JAK1: variants seen among roughly 807,000 people sequenced by gnomAD.
JAK1 encodes the protein Janus kinase 1.
A neutral mutation model predicts 136.6 loss-of-function variants in JAK1; 16 were observed. The observed-to-expected ratio is 0.12, with a 90% CI of 0.08 to 0.18. The LOEUF (loss-of-function observed/expected upper bound fraction) is 0.18, where lower values mean the gene tolerates loss of function less well. Ranked by LOEUF, JAK1 falls within the 10% of genes least tolerant of loss-of-function variation. The probability of loss-of-function intolerance (pLI) is 1.00; values close to 1 mark genes in which losing one functional copy is unlikely to be tolerated. For synonymous variants in JAK1, 492 were observed against 519.5 expected, an observed-to-expected ratio of 0.95 and a Z score of 0.72; for missense variants, 859 against 1,450.1, an observed-to-expected ratio of 0.59 and a Z score of 6.62.
chr1:64,863,291 T>A (rs1015910952), intron 8 of JAK1, among the ~76,000 whole-genome samples: 2 of 143,972 alleles, frequency 1.4e-5, no homozygotes, highest in African/African-American at 5.2e-5. Context: ...CGGGGCCTAA[T>A]ATCCAGGATG....
In JAK1 at chr1:64,984,780, A is replaced by G. The variant is rs1646582213; in HGVS notation, c.-78+59700T>C. 1 of 1,017,604 alleles carries G rather than the reference A, an allele frequency of 9.8e-7. No homozygotes were observed. The highest frequency in any genetic ancestry group is 2.1e-5 in the Admixed American group (1 of 48,392). The allele number at this position is 1,017,604 out of a possible 1,614,324, so 63.0% of individuals were successfully genotyped here. A position where few individuals can be genotyped will look rare whatever the true frequency, so the allele number is the denominator to read the frequency against. On this transcript the variant is annotated intron_variant, in intron 2 of 25. Coordinates refer to the JAK1 transcript ENST00000671954. This position sits in a 1 kb window ranked among gnomAD's most constrained non-coding sequence, Gnocchi z 4.1. ...GAAGGTAAAGATCAAGAAGGTAATG[A>G]GGAAGTCGGTGAAGATAATAAAAAC...
At chr1:64,866,664 T>C (rs552132609) in intron 7 of JAK1, among the ~76,000 whole-genome samples, 2 of 152,388 alleles carry the variant, frequency 1.3e-5, no homozygotes, top group Non-Finnish European at 2.9e-5. Flanking sequence ...CATGTTGTTA[T>C]ATTTCTCTAC....
intron 2 of JAK1, among the ~76,000 whole-genome samples, chr1:64,980,043 A>G (rs1646530234): frequency 6.6e-6 from 1 of 152,206 alleles, no homozygotes; most frequent in Non-Finnish European, 1.5e-5. Context: ...TTGATTCAGC[A>G]TGACAGATAT....
Position 64,987,026 on chromosome 1 carries a change from G to C in JAK1, c.-78+57454C>G, listed in dbSNP as rs75824463. 4.5e-3 allele frequency among the ~76,000 whole-genome samples: 684 copies of C among 152,256 alleles called. 4 individuals are homozygous for C. Among genetic ancestry groups the C allele is most frequent in the African/African-American group, 0.014 (586 of 41,540 alleles). On this transcript the variant is annotated intron_variant, in intron 2 of 25. Coordinates refer to the JAK1 transcript ENST00000671954. ...AGGGAAATAACAAAAGGAAAGAAAG[G>C]CTCCCTGTTGCTGAAGCAGCCATTG...
At position 64,867,183 on chromosome 1, in the gene JAK1, A is replaced by G. The variant is rs775894558; in HGVS notation, c.673T>C (p.Leu225=). The G allele has an allele frequency of 1.6e-5, 25 of 1,604,068 alleles. No homozygotes were observed. The highest frequency in any genetic ancestry group is 3.4e-4 in the Middle Eastern group (2 of 5,922). ...ISYKRYIPET[L]NKSIRQRNLL... is the part of the protein sequence containing the mutation. ...TTCCTCTGTCTGATGGACTTATTCA[A>G]TGTTTCTGGAATATATCGCTTGTAG... The change falls in exon 7 of 25, where the codon TTG becomes CTG. Residue 225 remains leucine (L), a synonymous_variant. Transcript: ENST00000342505.
intron 1 of JAK1, among the ~76,000 whole-genome samples, chr1:64,947,236 A>T (rs929413423): frequency 9.2e-5 from 14 of 151,418 alleles, no homozygotes; most frequent in East Asian, 8.2e-4. Flanking sequence ...CTTAAAAAAA[A>T]TTTTTTAACT....
intron 1 of JAK1, among the ~76,000 whole-genome samples, chr1:64,961,924 T>G (rs764370541): frequency 6.2e-4 from 95 of 152,238 alleles, no homozygotes; most frequent in Non-Finnish European, 8.8e-4. Context: ...TGCCAGGCAC[T>G]TAATAGGTAC....
intron 1 of JAK1, among the ~76,000 whole-genome samples, chr1:64,895,855 G>A (rs998795170): frequency 2.6e-5 from 4 of 152,180 alleles, no homozygotes; most frequent in African/African-American, 9.7e-5. Context: ...CTAACTTCAT[G>A]ATCACATCTA....
chr1:64,952,659 C>T (rs1646112213), intron 1 of JAK1, among the ~76,000 whole-genome samples: 1 of 152,124 alleles, frequency 6.6e-6, no homozygotes. Context: ...AAGCAACTAA[C>T]ACGGGACCAA....
At chr1:64,872,795 AC>A (rs1657151295) in intron 5 of JAK1, among the ~76,000 whole-genome samples, 1 of 152,258 alleles carries the variant, frequency 6.6e-6, no homozygotes, top group African/African-American at 2.4e-5. Flanking sequence ...AACAAAATGA[AC>A]CATAAAATAT....
At chr1:64,890,660 ATGCCCTTTT>A (rs928897880) in intron 1 of JAK1, among the ~76,000 whole-genome samples, 4 of 152,220 alleles carry the variant, frequency 2.6e-5, no homozygotes, top group Non-Finnish European at 4.4e-5. Flanking sequence ...AGTACCTACA[ATGCCCTTTT>A]TGCAAGAGGC....
chr1:64,929,860 G>T (rs909525319), intron 1 of JAK1, among the ~76,000 whole-genome samples: 2 of 152,166 alleles, frequency 1.3e-5, no homozygotes, highest in South Asian at 2.1e-4. Context: ...CAGAACAAAG[G>T]CCTCAGAAAT....
At position 64,966,366 on chromosome 1, in the gene JAK1, C is replaced by T. The variant is rs983282285; in HGVS notation, c.-111G>A. The stretch of plus-strand genomic sequence containing the variant: ...TGTGCGCCTGGGCCAGGCAGCGCCC[C>T]GTCGCTGCGCTGGCTGGGGTCGACC... On this transcript the variant is annotated 5_prime_UTR_variant, in exon 1 of 25. Coordinates refer to ENST00000342505, the MANE Select transcript of JAK1 (RefSeq NM_002227.4). The T allele has an allele frequency of 2.6e-5, 4 of 151,336 alleles. No homozygotes were observed. Among genetic ancestry groups the T allele is most frequent in the African/African-American group, 9.7e-5 (4 of 41,320 alleles). 9.4% of individuals were successfully genotyped at this position (151,336 alleles called of 1,614,324 possible).
chr1:64,985,510 T>C (rs989165978), intron 2 of JAK1: 9 of 1,545,000 alleles, frequency 5.8e-6, no homozygotes, highest in East Asian at 4.5e-5. Context: ...CTTTGTAGCA[T>C]AGCAGGAGAG....
chr1:64,900,743 T>C (rs1451801980), intron 1 of JAK1, among the ~76,000 whole-genome samples: 1 of 152,190 alleles, frequency 6.6e-6, no homozygotes, highest in African/African-American at 2.4e-5. Context: ...AATCTGGAAG[T>C]ATCATGCTCT....
intron 5 of JAK1, 28 bp from the exon 6 acceptor site, chr1:64,869,502 A>T (rs759906403): frequency 6.2e-7 from 1 of 1,603,658 alleles, no homozygotes; most frequent in Non-Finnish European, 8.5e-7. Context: ...AAACCATGAG[A>T]GCCCACCCGT....
At chr1:65,060,883 A>G (rs1647762482) in intron 1 of JAK1, among the ~76,000 whole-genome samples, 1 of 152,346 alleles carries the variant, frequency 6.6e-6, no homozygotes, top group South Asian at 2.1e-4. Context: ...AACTGTCTAA[A>G]TTTATAAACA....
chr1:64,960,141 T>C (rs11208558), intron 1 of JAK1, among the ~76,000 whole-genome samples: 138,008 of 152,168 alleles, frequency 0.91, 62,721 homozygotes, highest in East Asian at 1. Context: ...GTGGGGAGGA[T>C]TGCTTGAGCC....
chr1:65,058,371 T>C lies in JAK1; in HGVS notation c.-181+9233A>G, dbSNP rs1049299963. ...CTGGGTCCCAGCCACCTGTTTCACA[T>C]TCCTCTTTCACCTTCTTTCTTCCTG... is the stretch of plus-strand genomic sequence containing the variant. On this transcript the variant is annotated intron_variant, in intron 1 of 25. Transcript: ENST00000671954. The C allele has an allele frequency of 9.4e-6, 5 of 533,678 alleles. No individual in the cohort carries two copies. The African/African-American group carries it at 9.6e-5, about 10-fold the overall frequency. The allele number at this position is 533,678 out of a possible 1,614,324, so 33.1% of individuals were successfully genotyped here.
Sources: gnomAD v4.1 joint callset for allele counts (sites outside exome capture counted in the v4.1 genomes callset) on GRCh38, gnomAD v4.1.1 for gene constraint, Gnocchi (gnomAD v3.1) non-coding constraint, MANE v1.5 for transcripts, NCBI Gene and HGNC (gene_info 2026-07-23, HGNC 2026-07-21) for gene names.